The following PACSIN1 variants were observed in gnomAD, a reference collection of about 807,000 sequenced individuals.
PACSIN1 encodes the protein protein kinase C and casein kinase substrate in neurons protein 1.
In PACSIN1, 15 loss-of-function variants were observed where a neutral mutation model predicts 59.5. That is an observed-to-expected ratio of 0.25 (90% CI 0.17 to 0.39). PACSIN1 has a LOEUF of 0.39. Among genes scored for constraint, PACSIN1 ranks in the 10% least tolerant of loss-of-function variants. The probability of loss-of-function intolerance (pLI) is 1.00; values close to 1 mark genes in which losing one functional copy is unlikely to be tolerated. For missense variants in PACSIN1, 420 were observed against 580.2 expected (o/e 0.72, Z 2.84); for synonymous variants, 210 against 220.6 (o/e 0.95, Z 0.42).
chr6:34,532,301 A>G lies in PACSIN1; in HGVS notation c.1226-120A>G, dbSNP rs940433254. Reference sequence around the variant, plus strand: ...GGGCTGGTTTCCAGGGGCGGGGCCTAAGAATCTAAAACCCAGTGCAGTAAT... The same window carrying G: ...GGGCTGGTTTCCAGGGGCGGGGCCTGAGAATCTAAAACCCAGTGCAGTAAT... On this transcript the variant is annotated intron_variant, in intron 9 of 9. Transcript: ENST00000244458. The surrounding 1 kb of genome is among the most constrained non-coding windows in gnomAD (Gnocchi z 5.2). 4.4e-6 allele frequency: 3 copies of G among 678,270 alleles called. No individual in the cohort carries two copies. The highest frequency in any genetic ancestry group is 1.8e-5 in the South Asian group (1 of 54,496). 42.0% of individuals were successfully genotyped at this position (678,270 alleles called of 1,614,324 possible).
chr6:34,480,478 G>C (rs539836344), intron 1 of PACSIN1, among the ~76,000 whole-genome samples: 1 of 151,390 alleles, frequency 6.6e-6, no homozygotes, highest in Non-Finnish European at 1.5e-5. Flanking sequence ...TGCCCACCTC[G>C]GCCTCCCAAA....
chr6:34,507,656 T>C (rs1767135199), intron 1 of PACSIN1, among the ~76,000 whole-genome samples: 2 of 152,182 alleles, frequency 1.3e-5, no homozygotes, highest in Non-Finnish European at 2.9e-5. Flanking sequence ...TCTGGAACTT[T>C]CTCATCTTAC....
intron 1 of PACSIN1, among the ~76,000 whole-genome samples, chr6:34,477,852 T>G (rs7743448): frequency 0.98 from 147,775 of 151,246 alleles, 72,279 homozygotes; most frequent in East Asian, 1. Context: ...GGGCTTGAGC[T>G]ATCCTCACAA....
rs759419284 is a variant in PACSIN1, at chr6:34,521,180, C to T, written c.-63-5063C>T. 1.3e-5 allele frequency among the ~76,000 whole-genome samples: 2 copies of T among 152,104 alleles called. No homozygotes were observed. Among genetic ancestry groups the T allele is most frequent in the African/African-American group, 4.8e-5 (2 of 41,412 alleles). ...GGAGGACACGCAACGTGATGAATGC[C>T]GTGCTGTGGATGCCGTGTCCGGTGG... is the stretch of plus-strand genomic sequence containing the variant. On this transcript the variant is annotated intron_variant, in intron 1 of 9. Coordinates refer to ENST00000244458, the MANE Select transcript of PACSIN1 (RefSeq NM_020804.5). The surrounding 1 kb of genome is among the most constrained non-coding windows in gnomAD (Gnocchi z 4.3).
rs55848755 is a variant in PACSIN1, at chr6:34,502,031, CAAAAAAAAAAA to C, written c.-63-24201_-63-24191del. On this transcript the variant is annotated intron_variant, in intron 1 of 9. Coordinates refer to ENST00000244458, the MANE Select transcript of PACSIN1 (RefSeq NM_020804.5). ...CAGGAGACAGTGCAAGACTCTGTCT[CAAAAAAAAAAA>C]AAAAAAAAAAGCAAATTATTGGGGC... 6.0e-5 allele frequency among the ~76,000 whole-genome samples: 4 copies of C among 67,214 alleles called. No individual in the cohort carries two copies. In the South Asian group the frequency reaches 1.8e-3, roughly 30 times the overall value. 44.1% of individuals were successfully genotyped at this position (67,214 alleles called of 152,430 possible). A position where few individuals can be genotyped will look rare whatever the true frequency, so the allele number is the denominator to read the frequency against.
Position 34,514,520 on chromosome 6 carries a change from C to T in PACSIN1, c.-63-11723C>T, listed in dbSNP as rs139920665. Among the ~76,000 whole-genome samples the T allele has an allele frequency of 0.012, 1,873 of 152,212 alleles. 19 individuals carry two copies. The highest frequency in any genetic ancestry group is 0.02 in the Middle Eastern group (6 of 294). The stretch of plus-strand genomic sequence containing the variant: ...AGCAAGCGCTTAGATTTTAAGGACC[C>T]AAGCAAAGTGCATGGAAAGGTGCAG... On this transcript the variant is annotated intron_variant, in intron 1 of 9. Coordinates refer to ENST00000244458, the MANE Select transcript of PACSIN1 (RefSeq NM_020804.5). This position sits in a 1 kb window ranked among gnomAD's most constrained non-coding sequence, Gnocchi z 4.4.
In PACSIN1 at chr6:34,529,253, G is replaced by A. The variant is rs922185284; in HGVS notation, c.457-144G>A. On this transcript the variant is annotated intron_variant, in intron 4 of 9. Transcript: ENST00000244458. The surrounding 1 kb of genome is among the most constrained non-coding windows in gnomAD (Gnocchi z 6.3). ...GGAGGAGCGCTGCTCCCGAACACCT[G>A]GAGCCAGGGCCTGCATCCCTTCTGG... is the stretch of plus-strand genomic sequence containing the variant. 1.2e-4 allele frequency: 101 copies of A among 844,572 alleles called. No homozygotes were observed. The highest frequency in any genetic ancestry group is 1.7e-4 in the Non-Finnish European group (93 of 545,500). The allele number at this position is 844,572 out of a possible 1,614,324, so 52.3% of individuals were successfully genotyped here.
chr6:34,492,461 A>G (rs1031823044), intron 1 of PACSIN1, among the ~76,000 whole-genome samples: 9 of 150,858 alleles, frequency 6.0e-5, no homozygotes, highest in African/African-American at 2.2e-4. Flanking sequence ...TCAGCTCACC[A>G]CAACCTCTGC....
chr6:34,478,771 AG>A (rs777370484), intron 1 of PACSIN1, among the ~76,000 whole-genome samples: 4 of 152,206 alleles, frequency 2.6e-5, no homozygotes, highest in East Asian at 3.8e-4. Flanking sequence ...TATATAAAAT[AG>A]GTTGTACATT....
At chr6:34,474,821 T>C (rs1019281537) in intron 1 of PACSIN1, among the ~76,000 whole-genome samples, 2 of 142,980 alleles carry the variant, frequency 1.4e-5, no homozygotes, top group East Asian at 2.1e-4. Flanking sequence ...AGCCCTATAA[T>C]TGCCTGCAAG....
intron 1 of PACSIN1, among the ~76,000 whole-genome samples, chr6:34,522,166 G>A (rs776036953): frequency 6.6e-6 from 1 of 152,230 alleles, no homozygotes; most frequent in Non-Finnish European, 1.5e-5. Flanking sequence ...TCCCTCAGGG[G>A]TCCCGGGGAA....
chr6:34,519,990 G>C (rs1767359469), intron 1 of PACSIN1, among the ~76,000 whole-genome samples: 1 of 152,158 alleles, frequency 6.6e-6, no homozygotes, highest in Non-Finnish European at 1.5e-5. Context: ...TGAGGGGAGG[G>C]GTAGGCGAGG....
chr6:34,500,395 A>G (rs1463722852), intron 1 of PACSIN1, among the ~76,000 whole-genome samples: 1 of 152,216 alleles, frequency 6.6e-6, no homozygotes, highest in Non-Finnish European at 1.5e-5. Flanking sequence ...GTAAACTGGT[A>G]CAGCCACTGT....
chr6:34,479,244 G>A (rs1345647059), intron 1 of PACSIN1, among the ~76,000 whole-genome samples: 1 of 150,274 alleles, frequency 6.7e-6, no homozygotes, highest in African/African-American at 2.5e-5. Flanking sequence ...TCTCCATCAT[G>A]TAGGTAAAAA....
intron 1 of PACSIN1, among the ~76,000 whole-genome samples, chr6:34,493,591 T>C (rs570191756): frequency 6.6e-6 from 1 of 152,332 alleles, no homozygotes; most frequent in East Asian, 1.9e-4. Flanking sequence ...TGTCTTTTCA[T>C]TTTAGCCACC....
intron 1 of PACSIN1, among the ~76,000 whole-genome samples, chr6:34,476,474 C>T (rs1581956679): frequency 6.6e-6 from 1 of 151,816 alleles, no homozygotes; most frequent in Non-Finnish European, 1.5e-5. Flanking sequence ...CTATCATCAG[C>T]TCCATCGGAC....
chr6:34,530,873 C>A lies in PACSIN1; in HGVS notation c.1037+286C>A, dbSNP rs944773490. The stretch of plus-strand genomic sequence containing the variant: ...TTAGATTCTCCTAAGGAACGTGCAA[C>A]CTGGATCCCTCGCATGCGCAGTTCA... On this transcript the variant is annotated intron_variant, in intron 8 of 9. Transcript: ENST00000244458. The surrounding 1 kb of genome is among the most constrained non-coding windows in gnomAD (Gnocchi z 4.4). Among the ~76,000 whole-genome samples the A allele has an allele frequency of 2.0e-5, 3 of 152,192 alleles. No individual in the cohort carries two copies. Among genetic ancestry groups the A allele is most frequent in the African/African-American group, 7.2e-5 (3 of 41,444 alleles).
At chr6:34,504,702 C>T (rs1767082701) in intron 1 of PACSIN1, among the ~76,000 whole-genome samples, 1 of 152,166 alleles carries the variant, frequency 6.6e-6, no homozygotes, top group Non-Finnish European at 1.5e-5. Flanking sequence ...TTTCCTCCTC[C>T]CCAGTGTTCC....
chr6:34,511,347 G>A (rs1767199772), intron 1 of PACSIN1, among the ~76,000 whole-genome samples: 1 of 152,088 alleles, frequency 6.6e-6, no homozygotes, highest in Non-Finnish European at 1.5e-5. Flanking sequence ...GTCTGGGGTG[G>A]GACCTGAAAT....
Sources: gnomAD v4.1 joint callset for allele counts (sites outside exome capture counted in the v4.1 genomes callset) on GRCh38, gnomAD v4.1.1 for gene constraint, Gnocchi (gnomAD v3.1) non-coding constraint, MANE v1.5 for transcripts, NCBI Gene and HGNC (gene_info 2026-07-23, HGNC 2026-07-21) for gene names.